TIE1: variants seen among roughly 807,000 people sequenced by gnomAD.
TIE1 encodes tyrosine-protein kinase receptor Tie-1.
TIE1 carries 89 observed loss-of-function variants against 130.5 expected under a neutral mutation model. The ratio of observed to expected loss-of-function variants is 0.68; its 90% CI spans 0.57 to 0.81. The LOEUF is 0.81. TIE1 is among the 40% of genes least tolerant of loss of function. The probability of loss-of-function intolerance (pLI) is 0.00; values close to 1 mark genes in which losing one functional copy is unlikely to be tolerated. For missense variants in TIE1, 1,392 were observed against 1,559.8 expected, an observed-to-expected ratio of 0.89 and a Z score of 1.81; for synonymous variants, 568 against 629.4, an observed-to-expected ratio of 0.90 and a Z score of 1.46.
At position 43,311,934 on chromosome 1, in the gene TIE1, C is replaced by G. The variant is rs879227046; in HGVS notation, c.1493-60C>G. On this transcript the variant is annotated intron_variant, in intron 10 of 22. Coordinates refer to ENST00000372476, the MANE Select transcript of TIE1 (RefSeq NM_005424.5). Reference sequence around the variant, plus strand: ...AATGGTGCGAGGGGGCTGAAGGGAGCATGGCAGCTTCTAGAAGAGGTGGGG... The same window carrying G: ...AATGGTGCGAGGGGGCTGAAGGGAGGATGGCAGCTTCTAGAAGAGGTGGGG... 5 of 1,563,638 alleles carry G rather than the reference C, an allele frequency of 3.2e-6. No homozygotes were observed. In the South Asian group the frequency reaches 4.8e-5, roughly 15 times the overall value.
intron 3 of TIE1, among the ~76,000 whole-genome samples, chr1:43,305,621 C>T (rs1215231929): frequency 6.6e-6 from 1 of 152,246 alleles, no homozygotes; most frequent in African/African-American, 2.4e-5. Flanking sequence ...CTCATCTCTC[C>T]CCTGGGAGTT....
At chr1:43,321,782 T>A (rs1646923403) in intron 22 of TIE1, 67 bp downstream of exon 22, 1 of 1,454,060 alleles carries the variant, frequency 6.9e-7, no homozygotes. Context: ...CTCTCAGAGG[T>A]GCCATGACCC....
In TIE1 at chr1:43,317,274, C is replaced by T. The variant is rs1417100380; in HGVS notation, c.2485C>T (p.Leu829=). 1.9e-6 allele frequency: 3 copies of T among 1,614,222 alleles called. No individual in the cohort carries two copies. In the South Asian group the frequency reaches 3.3e-5, roughly 18 times the overall value. ...TRRPKLQPEP[L]SYPVLEWEDI... is the part of the protein sequence containing the mutation. Reference sequence around the variant, plus strand: ...GCGGCCAAAACTGCAGCCCGAGCCCCTGAGCTACCCAGTGCTAGAGTGGGA... The same window carrying T: ...GCGGCCAAAACTGCAGCCCGAGCCCTTGAGCTACCCAGTGCTAGAGTGGGA... The change falls in exon 15 of 23, where the codon CTG becomes TTG. Residue 829 remains leucine (L), a synonymous_variant. Transcript: ENST00000372476. This position sits in a 1 kb window ranked among gnomAD's most constrained non-coding sequence, Gnocchi z 5.1.
intron 1 of TIE1, among the ~76,000 whole-genome samples, chr1:43,301,873 A>G (rs1646674269): frequency 6.6e-6 from 1 of 152,238 alleles, no homozygotes; most frequent in African/African-American, 2.4e-5. Flanking sequence ...ATCTAAAAAG[A>G]AAAAAAGATG....
intron 1 of TIE1, among the ~76,000 whole-genome samples, chr1:43,303,480 T>C (rs781389480): frequency 6.6e-6 from 1 of 152,202 alleles, no homozygotes; most frequent in South Asian, 2.1e-4. Flanking sequence ...CGTTTGCTCA[T>C]GGTAGCCTTT....
At position 43,321,466 on chromosome 1, in the gene TIE1, G is replaced by A. The variant is rs764716801; in HGVS notation, c.3219G>A (p.Glu1073=). The change falls in exon 21 of 23, where the codon GAG becomes GAA. Residue 1073 remains glutamate, a synonymous_variant. Coordinates refer to ENST00000372476, the MANE Select transcript of TIE1 (RefSeq NM_005424.5). The stretch of plus-strand genomic sequence containing the variant: ...AGCTGCCCCAGGGCTACCGCATGGA[G>A]CAGCCTCGAAACTGTGACGATGAAG... The part of the protein sequence containing the change: ...YEKLPQGYRM[E]QPRNCDDEVY... The A allele has an allele frequency of 6.2e-7, 1 of 1,613,826 alleles. No homozygotes were observed. Among genetic ancestry groups the A allele is most frequent in the South Asian group, 1.1e-5 (1 of 91,046 alleles).
At chr1:43,314,032 A>G (rs775890825) in intron 14 of TIE1, 64 bp downstream of exon 14, 6 of 1,531,714 alleles carry the variant, frequency 3.9e-6, no homozygotes, top group Non-Finnish European at 5.4e-6. Context: ...CTACCTGTGT[A>G]CACACAATAC....
intron 22 of TIE1, among the ~76,000 whole-genome samples, 191 bp downstream of exon 22, chr1:43,321,906 C>A (rs895893248): frequency 6.6e-6 from 1 of 152,200 alleles, no homozygotes; most frequent in Non-Finnish European, 1.5e-5. Flanking sequence ...AGACACCAGG[C>A]CCTTCCAAAA....
chr1:43,317,617 T>G lies in TIE1; in HGVS notation c.2674T>G (p.Cys892Gly), dbSNP rs775489101. 1 of 1,608,570 alleles carries G rather than the reference T, an allele frequency of 6.2e-7. No individual in the cohort carries two copies. The highest frequency in any genetic ancestry group is 8.5e-7 in the Non-Finnish European group (1 of 1,176,334). The change falls in exon 16 of 23, where the codon TGC (cysteine) becomes GGC (glycine). Residue 892 changes from cysteine to glycine, a missense_variant. Around this residue, in one of 6 missense-constraint regions of TIE1, gnomAD observed 286 missense variants for 354.4 expected, o/e 0.81. Transcript: ENST00000372476. This position sits in a 1 kb window ranked among gnomAD's most constrained non-coding sequence, Gnocchi z 5.1. ...RDFAGELEVL[C>G]KLGHHPNIIN... is the part of the protein sequence containing the mutation. ...CTTTGCGGGAGAACTGGAAGTTCTG[T>G]GCAAATTGGGGCATCACCCCAACAT... is the stretch of plus-strand genomic sequence containing the variant.
rs1570452337 is a variant in TIE1 at position 43,319,379 on chromosome 1, C to T, written c.3036+31C>T. ...TCTCATTCAACCCTCACCCTTAGGG[C>T]TTGTGCCTGGCCCTGCCCCACAGGA... On this transcript the variant is annotated intron_variant, in intron 18 of 22. Transcript: ENST00000372476. This position sits in a 1 kb window ranked among gnomAD's most constrained non-coding sequence, Gnocchi z 4.7. 1.2e-6 allele frequency: 2 copies of T among 1,611,600 alleles called. No homozygotes were observed. The highest frequency in any genetic ancestry group is 1.7e-6 in the Non-Finnish European group (2 of 1,177,752).
chr1:43,306,925 C>T lies in TIE1; in HGVS notation c.570C>T (p.Ser190=), dbSNP rs373606617. Residue 190 remains serine, a synonymous_variant, in exon 4 of 23, where the codon AGC becomes AGT. Transcript: ENST00000372476. This position sits in a 1 kb window ranked among gnomAD's most constrained non-coding sequence, Gnocchi z 4.9. ...LQLPNVQPPS[S]GIYSATYLEA... ...TCCCAAATGTGCAGCCACCATCGAG[C>T]GGCATCTACAGTGCCACTTACCTGG... is the stretch of plus-strand genomic sequence containing the variant. The T allele has an allele frequency of 1.9e-5, 30 of 1,613,884 alleles. 1 individual carries two copies. The highest frequency in any genetic ancestry group is 1.2e-4 in the African/African-American group (9 of 74,926).
rs796561495 is a variant in TIE1, at chr1:43,316,602, A to G, written c.2410-597A>G. 9.8e-5 allele frequency among the ~76,000 whole-genome samples: 15 copies of G among 152,288 alleles called. No individual in the cohort carries two copies. The highest frequency in any genetic ancestry group is 3.6e-4 in the African/African-American group (15 of 41,550). ...ATTTTAGAGCTATGGAGAAAAGCCA[A>G]GTGTGTGGACAGGGTAATCTCTGCT... On this transcript the variant is annotated intron_variant, in intron 14 of 22. Transcript: ENST00000372476. This position sits in a 1 kb window ranked among gnomAD's most constrained non-coding sequence, Gnocchi z 4.4.
chr1:43,313,913 G>A lies in TIE1; in HGVS notation c.2354G>A (p.Cys785Tyr), dbSNP rs746046613. The stretch of plus-strand genomic sequence containing the variant: ...CTGGCTGCCCTTTTAACCCTGGTGT[G>A]CATCCGCAGAAGCTGCCTGCATCGG... Reference protein sequence around the residue: ...TILAALLTLVCIRRSCLHRRR... With the variant: ...TILAALLTLVYIRRSCLHRRR... The change falls in exon 14 of 23, where the codon TGC becomes TAC. Residue 785 changes from cysteine to tyrosine, a missense_variant. This residue lies in a region of TIE1 where 286 missense variants were observed against 354.4 expected (regional missense o/e 0.81). Transcript: ENST00000372476. The surrounding 1 kb of genome is among the most constrained non-coding windows in gnomAD (Gnocchi z 6.2). 2 of 1,614,164 alleles carry A rather than the reference G, an allele frequency of 1.2e-6. No homozygotes were observed. Among genetic ancestry groups the A allele is most frequent in the South Asian group, 2.2e-5 (2 of 91,086 alleles).
At position 43,312,882 on chromosome 1, in the gene TIE1, C is replaced by T. The variant is rs137932758; in HGVS notation, c.1928-253C>T. 2.6e-5 allele frequency among the ~76,000 whole-genome samples: 4 copies of T among 151,972 alleles called. No homozygotes were observed. Among genetic ancestry groups the T allele is most frequent in the Non-Finnish European group, 5.9e-5 (4 of 67,938 alleles). On this transcript the variant is annotated intron_variant, in intron 12 of 22. Coordinates refer to ENST00000372476, the MANE Select transcript of TIE1 (RefSeq NM_005424.5). This position sits in a 1 kb window ranked among gnomAD's most constrained non-coding sequence, Gnocchi z 5.6. ...GGGTCATGGGAGGGCATGAGACTTG[C>T]GGAACACAGGGCATGGGCGGATGTG...
In TIE1 at chr1:43,322,176, T is replaced by G. The variant is rs1454408763; in HGVS notation, c.3345+461T>G. On this transcript the variant is annotated intron_variant, in intron 22 of 22. Coordinates refer to ENST00000372476, the MANE Select transcript of TIE1 (RefSeq NM_005424.5). The surrounding 1 kb of genome is among the most constrained non-coding windows in gnomAD (Gnocchi z 4.0). ...TACAATAATCATATGAACATGTAAT[T>G]CAATAACTCAATCTACTAACCATGT... Among the ~76,000 whole-genome samples, 2 of 152,172 alleles carry G rather than the reference T, an allele frequency of 1.3e-5. No individual in the cohort carries two copies. Among genetic ancestry groups the G allele is most frequent in the African/African-American group, 2.4e-5 (1 of 41,434 alleles).
Position 43,318,093 on chromosome 1 carries a change from G to A in TIE1, c.2922+21G>A, listed in dbSNP as rs1489221630. The A allele has an allele frequency of 1.3e-6, 2 of 1,522,840 alleles. No individual in the cohort carries two copies. Among genetic ancestry groups the A allele is most frequent in the Non-Finnish European group, 1.8e-6 (2 of 1,135,342 alleles). 94.3% of individuals were successfully genotyped at this position (1,522,840 alleles called of 1,614,324 possible). On this transcript the variant is annotated intron_variant, in intron 17 of 22. Transcript: ENST00000372476. The surrounding 1 kb of genome is among the most constrained non-coding windows in gnomAD (Gnocchi z 4.4). The stretch of plus-strand genomic sequence containing the variant: ...AGCAGGTGTGTGTGAGTGGGGGCGG[G>A]TGGAGGCCAGAGGGGGAAGCCACTG...
In TIE1 at chr1:43,305,011, G is replaced by T. The variant is rs182202988; in HGVS notation, c.219G>T (p.Pro73=). The T allele has an allele frequency of 2.0e-4, 313 of 1,550,626 alleles. 1 individual carries two copies. In the East Asian group the frequency reaches 5.4e-3, roughly 27 times the overall value. Residue 73 remains proline (P), a synonymous_variant, in exon 2 of 23, where the codon CCG becomes CCT. Transcript: ENST00000372476. The stretch of plus-strand genomic sequence containing the variant: ...AGGACGACCGTATCGTGCGCACCCC[G>T]CCCGGGCCACCCCTGCGCCTGGCGC... ...LEKDDRIVRT[P]PGPPLRLARN...
Position 43,315,868 on chromosome 1 carries a change from C to T in TIE1, c.2410-1331C>T, listed in dbSNP as rs2153912448. 6.6e-6 allele frequency among the ~76,000 whole-genome samples: 1 copy of T among 152,090 alleles called. No individual in the cohort carries two copies. The highest frequency in any genetic ancestry group is 2.4e-5 in the African/African-American group (1 of 41,484). The stretch of plus-strand genomic sequence containing the variant: ...AGATATATCCCCCTAGCCTGGGCAA[C>T]ATGGCAAAACCCCATCTCTACAATA... On this transcript the variant is annotated intron_variant, in intron 14 of 22. Coordinates refer to ENST00000372476, the MANE Select transcript of TIE1 (RefSeq NM_005424.5). This position sits in a 1 kb window ranked among gnomAD's most constrained non-coding sequence, Gnocchi z 4.4.
chr1:43,313,981 C>T lies in TIE1; in HGVS notation c.2409+13C>T, dbSNP rs375129115. On this transcript the variant is annotated intron_variant, in intron 14 of 22. Coordinates refer to ENST00000372476, the MANE Select transcript of TIE1 (RefSeq NM_005424.5). This position sits in a 1 kb window ranked among gnomAD's most constrained non-coding sequence, Gnocchi z 6.2. Reference sequence around the variant, plus strand: ...CCAGTCAGGCTCGGTCAGTGACCCGCCCCGCCCCTGGGTGCATGCTTGCAG... The same window carrying T: ...CCAGTCAGGCTCGGTCAGTGACCCGTCCCGCCCCTGGGTGCATGCTTGCAG... 74 of 1,613,878 alleles carry T rather than the reference C, an allele frequency of 4.6e-5. No individual in the cohort carries two copies. The African/African-American group carries it at 8.9e-4, about 20-fold the overall frequency.
Sources: allele counts gnomAD v4.1 joint callset (sites outside exome capture counted in the v4.1 genomes callset), GRCh38; gene constraint gnomAD v4.1.1; regional missense constraint gnomAD v4.1.1; non-coding constraint Gnocchi (gnomAD v3.1); transcripts MANE v1.5; gene names NCBI Gene and HGNC (gene_info 2026-07-23, HGNC 2026-07-21).